The following UBE2E2 variants were observed in gnomAD, a reference collection of about 807,000 sequenced individuals.
UBE2E2 encodes the protein ubiquitin conjugating enzyme E2 E2.
In UBE2E2, 6 loss-of-function variants were observed where a neutral mutation model predicts 24.7. That is an observed-to-expected ratio of 0.24 (90% CI 0.13 to 0.48). UBE2E2 has a LOEUF of 0.48. Ranked by LOEUF, UBE2E2 falls within the 20% of genes least tolerant of loss-of-function variation. The probability of loss-of-function intolerance (pLI) is 0.99; values close to 1 mark genes in which losing one functional copy is unlikely to be tolerated. For synonymous variants in UBE2E2, 104 were observed against 83.6 expected (o/e 1.24, Z -1.33); for missense variants, 169 against 245.0 (o/e 0.69, Z 2.07).
rs1381468979 is a variant in UBE2E2 at position 23,589,128 on chromosome 3, T to G, written c.509-606T>G. 6.6e-6 allele frequency among the ~76,000 whole-genome samples: 1 copy of G among 151,966 alleles called. No individual in the cohort carries two copies. The highest frequency in any genetic ancestry group is 1.9e-4 in the East Asian group (1 of 5,172). On this transcript the variant is annotated intron_variant, in intron 5 of 5. Coordinates refer to ENST00000396703, the MANE Select transcript of UBE2E2 (RefSeq NM_152653.4). The surrounding 1 kb of genome is among the most constrained non-coding windows in gnomAD (Gnocchi z 4.1). The stretch of plus-strand genomic sequence containing the variant: ...GCCCACCTGCATTTTCTCCGTGAAA[T>G]ATCTACTTGAAGACAGGCATCTCAC...
Position 23,589,756 on chromosome 3 carries a change from C to A in UBE2E2, c.531C>A (p.Ile177=). 1 of 1,614,048 alleles carries A rather than the reference C, an allele frequency of 6.2e-7. No homozygotes were observed. The highest frequency in any genetic ancestry group is 1.1e-5 in the South Asian group (1 of 91,068). The part of the protein sequence containing the change: ...CNPADPLVGS[I]ATQYMTNRAE... ...CAGCTGACCCTCTGGTGGGCAGCAT[C>A]GCCACACAGTACATGACCAACAGAG... The change falls in exon 6 of 6, where the codon ATC becomes ATA. Residue 177 remains isoleucine, a synonymous_variant. Transcript: ENST00000396703. The surrounding 1 kb of genome is among the most constrained non-coding windows in gnomAD (Gnocchi z 4.1).
At chr3:23,270,967 C>T in intron 3 of UBE2E2, 2 of 456,708 alleles carry the variant, frequency 4.4e-6, no homozygotes, top group South Asian at 1.5e-5. Context: ...CTGATTCGAT[C>T]TGCTTGCATC....
intron 3 of UBE2E2, among the ~76,000 whole-genome samples, chr3:23,290,166 T>C (rs1229668914): frequency 6.6e-6 from 1 of 152,148 alleles, no homozygotes; most frequent in East Asian, 1.9e-4. Flanking sequence ...AAATGATGTG[T>C]TTACCCTGCT....
intron 5 of UBE2E2, among the ~76,000 whole-genome samples, chr3:23,579,897 C>G (rs1696436589): frequency 6.6e-6 from 1 of 152,024 alleles, no homozygotes; most frequent in Non-Finnish European, 1.5e-5. Context: ...CAAGTTGATT[C>G]CAACTCTCGT....
intron 3 of UBE2E2, among the ~76,000 whole-genome samples, chr3:23,403,157 AC>A (rs1319147099): frequency 6.6e-6 from 1 of 152,248 alleles, no homozygotes; most frequent in Non-Finnish European, 1.5e-5. Flanking sequence ...GACTTCTTGA[AC>A]AAATATAATT....
At chr3:23,476,781 T>C (rs932785626) in intron 3 of UBE2E2, among the ~76,000 whole-genome samples, 2 of 152,212 alleles carry the variant, frequency 1.3e-5, no homozygotes, top group Non-Finnish European at 2.9e-5. Context: ...AAACTATTCT[T>C]TGTTATTTCC....
chr3:23,308,233 G>A (rs1400979392), intron 3 of UBE2E2, among the ~76,000 whole-genome samples: 1 of 152,208 alleles, frequency 6.6e-6, no homozygotes, highest in Non-Finnish European at 1.5e-5. Context: ...GATGAAATAT[G>A]TGTAGTAACT....
intron 3 of UBE2E2, among the ~76,000 whole-genome samples, chr3:23,245,312 A>T (rs1697367015): frequency 6.6e-6 from 1 of 152,150 alleles, no homozygotes; most frequent in South Asian, 2.1e-4. Flanking sequence ...GGTAAACATT[A>T]TGCTGAATAT....
intron 3 of UBE2E2, among the ~76,000 whole-genome samples, chr3:23,414,406 C>G (rs1415136816): frequency 1.3e-5 from 2 of 152,138 alleles, no homozygotes; most frequent in African/African-American, 4.8e-5. Flanking sequence ...GAATTGCTTC[C>G]CTTCCCTCAT....
intron 3 of UBE2E2, among the ~76,000 whole-genome samples, chr3:23,219,657 A>G (rs1044249736): frequency 6.6e-6 from 1 of 152,200 alleles, no homozygotes; most frequent in Non-Finnish European, 1.5e-5. Flanking sequence ...CAGTTAAGTC[A>G]TATCTCATTT....
chr3:23,412,823 A>T (rs1437848848), intron 3 of UBE2E2, among the ~76,000 whole-genome samples: 1 of 152,178 alleles, frequency 6.6e-6, no homozygotes, highest in Non-Finnish European at 1.5e-5. Context: ...AGAATTAACA[A>T]CTTTGAGTGG....
In UBE2E2 at chr3:23,475,811, C is replaced by A. The variant is rs149650514; in HGVS notation, c.228-23797C>A. Among the ~76,000 whole-genome samples the A allele has an allele frequency of 3.2e-3, 487 of 152,164 alleles. 11 individuals carry two copies. Among genetic ancestry groups the A allele is most frequent in the African/African-American group, 0.011 (472 of 41,432 alleles). ...AACAATTTAAGACAACCCACCAGAACAGGCAAGAATGCTAGGTACATCATG... is the reference window on the plus strand; with the variant it reads ...AACAATTTAAGACAACCCACCAGAAAAGGCAAGAATGCTAGGTACATCATG... On this transcript the variant is annotated intron_variant, in intron 3 of 5. Transcript: ENST00000396703.
intron 3 of UBE2E2, among the ~76,000 whole-genome samples, chr3:23,446,959 C>A (rs917514109): frequency 7.9e-5 from 12 of 152,070 alleles, no homozygotes; most frequent in African/African-American, 2.9e-4. Flanking sequence ...TTTGGGATTT[C>A]CCTTTCCCCA....
chr3:23,223,027 T>TCCCCC (rs1559445377), intron 3 of UBE2E2, among the ~76,000 whole-genome samples: 3 of 40,316 alleles, frequency 7.4e-5, no homozygotes, highest in African/African-American at 1.9e-4. Context: ...CCCCCCCCCT[T>TCCCCC]TTTTTTTTTT....
intron 3 of UBE2E2, among the ~76,000 whole-genome samples, chr3:23,358,956 G>A (rs1696040253): frequency 6.6e-6 from 1 of 152,162 alleles, no homozygotes; most frequent in African/African-American, 2.4e-5. Flanking sequence ...CAAAGTGTTA[G>A]AAGCAAAATT....
chr3:23,574,146 C>T (rs929566020), intron 5 of UBE2E2, among the ~76,000 whole-genome samples: 3 of 152,088 alleles, frequency 2.0e-5, no homozygotes, highest in African/African-American at 4.8e-5. Context: ...CACATGTTCT[C>T]ACTTATTTGT....
chr3:23,209,221 A>G (rs933941552), intron 2 of UBE2E2, among the ~76,000 whole-genome samples: 1 of 152,198 alleles, frequency 6.6e-6, no homozygotes, highest in Admixed American at 6.5e-5. Context: ...AACACAGAAT[A>G]GAGATTAGGA....
chr3:23,278,031 T>C (rs1698407952), intron 3 of UBE2E2, among the ~76,000 whole-genome samples: 1 of 152,130 alleles, frequency 6.6e-6, no homozygotes, highest in Admixed American at 6.5e-5. Flanking sequence ...AAATATCCAG[T>C]CGGCTTTTAT....
downstream of UBE2E2, chr3:23,591,802 A>G (rs1696771274): frequency 6.6e-6 from 1 of 152,232 alleles, no homozygotes; most frequent in South Asian, 2.1e-4. Flanking sequence ...TGATTTTTGG[A>G]AAGTTGCTCA....
Sources: allele counts gnomAD v4.1 joint callset (sites outside exome capture counted in the v4.1 genomes callset), GRCh38; gene constraint gnomAD v4.1.1; non-coding constraint Gnocchi (gnomAD v3.1); transcripts MANE v1.5; gene names NCBI Gene and HGNC (gene_info 2026-07-23, HGNC 2026-07-21).